The following HEATR9 variants were observed in gnomAD, a reference collection of about 807,000 sequenced individuals.
HEATR9 encodes protein HEATR9.
In HEATR9, 54 loss-of-function variants were observed where a neutral mutation model predicts 68.2. The ratio of observed to expected loss-of-function variants is 0.79; its 90% confidence interval spans 0.64 to 0.99. The LOEUF is 0.99. HEATR9 is among the 50% of genes least tolerant of loss of function. HEATR9 has a pLI of 0.00. For missense variants in HEATR9, 662 were observed against 679.7 expected (o/e 0.97, Z 0.29); for synonymous variants, 241 against 253.5 (o/e 0.95, Z 0.47).
chr17:35,861,533 G>A, intron 8 of HEATR9: 2 of 889,270 alleles, frequency 2.2e-6, no homozygotes, highest in South Asian at 1.3e-5. Context: ...GGGTAGATGG[G>A]CCTCGAAGAG....
At chr17:35,856,449 A>C in intron 12 of HEATR9, 2 of 1,282,468 alleles carry the variant, frequency 1.6e-6, no homozygotes, top group Non-Finnish European at 2.2e-6. Flanking sequence ...CAGAAATTTT[A>C]TCTTTTTAAA....
At chr17:35,860,921 CT>C (rs2087966010) in intron 8 of HEATR9, among the ~76,000 whole-genome samples, 1 of 152,066 alleles carries the variant, frequency 6.6e-6, no homozygotes, top group African/African-American at 2.4e-5. Context: ...TGGCACATGC[CT>C]GTAATCCCAG....
Position 35,864,511 on chromosome 17 carries a change from A to G in HEATR9, c.496T>C (p.Phe166Leu). The stretch of plus-strand genomic sequence containing the variant: ...CCTCTTCTCACCTGTGCTGCATAGA[A>G]CTGCTCATCCTCTCTGGGAGATTCC... ...SLESPREDEQFYAAQALGCLR... is the reference protein window; with the variant it reads ...SLESPREDEQLYAAQALGCLR... The change falls in exon 5 of 15, where the codon TTC (phenylalanine) becomes CTC (leucine). Residue 166 changes from phenylalanine to leucine, a missense_variant. By Grantham distance (22) the Phe-to-Leu change is conservative. Transcript: ENST00000604834. 6.2e-7 allele frequency: 1 copy of G among 1,614,038 alleles called. No individual in the cohort carries two copies. The highest frequency in any genetic ancestry group is 1.1e-5 in the South Asian group (1 of 91,062).
Position 35,858,225 on chromosome 17 carries a change from C to T in HEATR9, c.1127G>A (p.Arg376Lys), listed in dbSNP as rs780106437. 26 of 1,614,162 alleles carry T rather than the reference C, an allele frequency of 1.6e-5. No homozygotes were observed. In the East Asian group the frequency reaches 5.8e-4, roughly 36 times the overall value. ...AAGGAAGGGTTCATTATGCGTCTTC[C>T]TCCTGAGCAGGTTAAATGTGAGTTC... ...LEELTFNLLR[R>K]KTHNEPFLAV... Residue 376 changes from arginine to lysine, a missense_variant, in exon 11 of 15, where the codon AGG (arginine) becomes AAG (lysine). Arg to Lys is a conservative substitution (Grantham distance 26). Transcript: ENST00000604834.
At chr17:35,866,637 G>T in intron 2 of HEATR9, 87 bp downstream of exon 2, 1 of 1,276,216 alleles carries the variant, frequency 7.8e-7, no homozygotes, top group Non-Finnish European at 1.1e-6. Context: ...TCAGGGTTCT[G>T]TGAGCTGGCT....
chr17:35,861,392 C>A (rs185695987), intron 8 of HEATR9: 237 of 1,607,690 alleles, frequency 1.5e-4, no homozygotes, highest in Non-Finnish European at 1.8e-4. Context: ...TCTTTACCAG[C>A]TGCTTTCCGG....
intron 13 of HEATR9, 104 bp from the exon 14 acceptor site, chr17:35,855,854 G>C: frequency 4.2e-6 from 4 of 955,696 alleles, no homozygotes; most frequent in Non-Finnish European, 6.7e-6. Context: ...CATAGAGAGG[G>C]GGGAGATAGG....
At chr17:35,860,539 G>T (rs946335799) in intron 8 of HEATR9, among the ~76,000 whole-genome samples, 8 of 148,554 alleles carry the variant, frequency 5.4e-5, no homozygotes, top group African/African-American at 7.5e-5. Flanking sequence ...GCCCAGGCTG[G>T]AGTGCAGTGG....
At position 35,864,845 on chromosome 17, in the gene HEATR9, G is replaced by A. The variant is rs2088136224; in HGVS notation, c.366C>T (p.Leu122=). The A allele has an allele frequency of 1.2e-6, 2 of 1,614,098 alleles. No homozygotes were observed. The highest frequency in any genetic ancestry group is 2.2e-5 in the East Asian group (1 of 44,890). Residue 122 remains leucine, a synonymous_variant, in exon 4 of 15, where the codon CTC becomes CTT. Transcript: ENST00000604834. ...ATTTTATAGTCAGCTTGCTCATTGG[G>A]AGATGGAACATTTTGATGTGGGTTT... ...VHQTHIKMFH[L]PMSKLTIKSE...
At chr17:35,864,689 G>C (rs2088129126) in intron 4 of HEATR9, 69 bp downstream of exon 4, 2 of 1,602,610 alleles carry the variant, frequency 1.2e-6, no homozygotes, top group African/African-American at 2.7e-5. Context: ...GCTGAAGGAT[G>C]GTGTGAGCCC....
chr17:35,862,310 A>G (rs916619187), intron 8 of HEATR9, among the ~76,000 whole-genome samples: 2 of 152,186 alleles, frequency 1.3e-5, no homozygotes, highest in Non-Finnish European at 2.9e-5. Context: ...CTGGCACATG[A>G]TAGCTGTTTA....
chr17:35,857,377 A>G (rs2143886169), intron 11 of HEATR9, among the ~76,000 whole-genome samples: 1 of 152,358 alleles, frequency 6.6e-6, no homozygotes, highest in South Asian at 2.1e-4. Flanking sequence ...AAGCAGCATA[A>G]GCCATCCACA....
In HEATR9 at chr17:35,858,461, T is replaced by G. The variant is rs2087855851; in HGVS notation, c.1004A>C (p.Asp335Ala). 3.7e-6 allele frequency: 6 copies of G among 1,614,062 alleles called. No individual in the cohort carries two copies. The highest frequency in any genetic ancestry group is 5.1e-6 in the Non-Finnish European group (6 of 1,179,998). Residue 335 changes from aspartate to alanine, a missense_variant, in exon 10 of 15, where the codon GAC becomes GCC. Asp to Ala is a moderately radical substitution (Grantham distance 126). Transcript: ENST00000604834. ...HSAPVIKAIL[D>A]QLCSSSVLED... ...AAGGACACTGGAAGAACACAGCTGG[T>G]CTAGGATGGCCTTGATGACTGGGGC...
rs759812396 is a variant in HEATR9 at position 35,864,863 on chromosome 17, G to A, written c.348C>T (p.His116=). ...CRYIKEVHQT[H]IKMFHLPMSK... is the part of the protein sequence containing the mutation. Reference sequence around the variant, plus strand: ...TCATTGGGAGATGGAACATTTTGATGTGGGTTTGATGTACCTCTTTGATGT... The same window carrying A: ...TCATTGGGAGATGGAACATTTTGATATGGGTTTGATGTACCTCTTTGATGT... The change falls in exon 4 of 15, where the codon CAC becomes CAT. Residue 116 remains histidine, a synonymous_variant. Coordinates refer to ENST00000604834, the MANE Select transcript of HEATR9 (RefSeq NM_152781.4). The A allele has an allele frequency of 2.6e-5, 42 of 1,614,094 alleles. 1 individual carries two copies. The highest frequency in any genetic ancestry group is 3.4e-5 in the Non-Finnish European group (40 of 1,180,034).
chr17:35,864,375 C>G, intron 5 of HEATR9, 73 bp from the exon 6 acceptor site: 1 of 1,526,272 alleles, frequency 6.6e-7, no homozygotes, highest in East Asian at 2.3e-5. Context: ...TCTCTGGATA[C>G]AGCTGGAGTT....
At chr17:35,858,611 G>A (rs1312544717) in intron 9 of HEATR9, 86 bp from the exon 10 acceptor site, 2 of 1,240,790 alleles carry the variant, frequency 1.6e-6, no homozygotes, top group African/African-American at 3.0e-5. Context: ...GCCTAGAACT[G>A]GTGAGGAACA....
chr17:35,862,852 A>G lies in HEATR9; in HGVS notation c.756+143T>C. On this transcript the variant is annotated intron_variant, in intron 8 of 14. Coordinates refer to ENST00000604834, the MANE Select transcript of HEATR9 (RefSeq NM_152781.4). ...TGGCCAAGCCATATGCTTCTATTCA[A>G]CTCCCGAGGGAACTCCTCAAGGACA... 4.2e-6 allele frequency: 5 copies of G among 1,197,070 alleles called. No individual in the cohort carries two copies. The South Asian group carries it at 5.9e-5, about 14-fold the overall frequency. 74.2% of individuals were successfully genotyped at this position (1,197,070 alleles called of 1,614,324 possible).
rs1223250509 is a variant in HEATR9, at chr17:35,856,644, C to T, written c.1226+88G>A. 2.5e-6 allele frequency: 3 copies of T among 1,203,148 alleles called. No individual in the cohort carries two copies. The African/African-American group carries it at 4.5e-5, about 18-fold the overall frequency. The allele number at this position is 1,203,148 out of a possible 1,614,324, so 74.5% of individuals were successfully genotyped here. A position where few individuals can be genotyped will look rare whatever the true frequency, so the allele number is the denominator to read the frequency against. On this transcript the variant is annotated intron_variant, in intron 12 of 14. Transcript: ENST00000604834. ...TAGGTTCTCAGCTCTCACTGACCCT[C>T]TGACCCCTTCCCACTGACCCTCTCA...
intron 6 of HEATR9, 42 bp from the exon 7 acceptor site, chr17:35,863,601 T>C: frequency 6.3e-7 from 1 of 1,591,382 alleles, no homozygotes; most frequent in Non-Finnish European, 8.6e-7. Flanking sequence ...AATAAGGTGA[T>C]GGAATGTCAG....
Sources: allele counts gnomAD v4.1 joint callset (sites outside exome capture counted in the v4.1 genomes callset), GRCh38; gene constraint gnomAD v4.1.1; transcripts MANE v1.5; gene names NCBI Gene and HGNC (gene_info 2026-07-23, HGNC 2026-07-21).